Variants in AGBL1 observed in about 807,000 individuals in gnomAD.
AGBL1 encodes cytosolic carboxypeptidase 4.
Under a neutral mutation model 118.9 loss-of-function variants are expected in AGBL1, and 130 were observed. That is an observed-to-expected ratio of 1.09 (90% CI 0.95 to 1.26). AGBL1 has a LOEUF of 1.26. Among genes scored for constraint, AGBL1 ranks in the 50% most tolerant of loss-of-function variants. The pLI is 0.00. For missense variants in AGBL1, 1,584 were observed against 1,298.1 expected, an observed-to-expected ratio of 1.22 and a Z score of -3.38; for synonymous variants, 555 against 478.9, an observed-to-expected ratio of 1.16 and a Z score of -2.08.
At chr15:86,831,872 G>C (rs900747133) in intron 22 of AGBL1, among the ~76,000 whole-genome samples, 9 of 152,180 alleles carry the variant, frequency 5.9e-5, no homozygotes, top group African/African-American at 2.2e-4. Context: ...CCTAGCAGAG[G>C]TTCTCCATGA....
chr15:86,211,172 T>C (rs969553469), intron 5 of AGBL1, among the ~76,000 whole-genome samples: 1 of 152,196 alleles, frequency 6.6e-6, no homozygotes, highest in Non-Finnish European at 1.5e-5. Flanking sequence ...AATATTGCAT[T>C]ACAGCAAATA....
At chr15:86,967,598 C>G (rs2141697212) in intron 23 of AGBL1, among the ~76,000 whole-genome samples, 1 of 152,184 alleles carries the variant, frequency 6.6e-6, no homozygotes, top group Non-Finnish European at 1.5e-5. Flanking sequence ...TTCCCCATTT[C>G]TTCTTTTTGT....
chr15:86,476,985 G>A (rs1346005461), intron 18 of AGBL1, among the ~76,000 whole-genome samples: 1 of 152,064 alleles, frequency 6.6e-6, no homozygotes, highest in Non-Finnish European at 1.5e-5. Flanking sequence ...ATGACTACTG[G>A]TTACATAATG....
At chr15:86,854,339 T>C (rs1184685839) in intron 22 of AGBL1, among the ~76,000 whole-genome samples, 3 of 152,172 alleles carry the variant, frequency 2.0e-5, no homozygotes, top group African/African-American at 7.2e-5. Flanking sequence ...TATGCTCCTG[T>C]AATGACTAGC....
At chr15:86,898,307 A>G (rs2080160917) in intron 22 of AGBL1, among the ~76,000 whole-genome samples, 1 of 152,016 alleles carries the variant, frequency 6.6e-6, no homozygotes, top group South Asian at 2.1e-4. Context: ...ATTATTGCCT[A>G]GGTTGTCTTC....
intron 23 of AGBL1, among the ~76,000 whole-genome samples, chr15:86,953,893 C>G (rs965022336): frequency 4.6e-5 from 7 of 152,128 alleles, no homozygotes; most frequent in Non-Finnish European, 7.4e-5. Context: ...TTCTGCTCTT[C>G]CTATTTGGAT....
intron 18 of AGBL1, among the ~76,000 whole-genome samples, chr15:86,407,772 G>T (rs1265962957): frequency 6.6e-6 from 1 of 152,104 alleles, no homozygotes; most frequent in African/African-American, 2.4e-5. Flanking sequence ...ACAGGCTAAG[G>T]TTTAATAAGC....
At chr15:87,023,618 C>T (rs888148949) in intron 24 of AGBL1, among the ~76,000 whole-genome samples, 1 of 151,988 alleles carries the variant, frequency 6.6e-6, no homozygotes, top group African/African-American at 2.4e-5. Context: ...TTAATCTATA[C>T]CCTAGAACGA....
At chr15:86,104,685 C>A (rs1268676639) in intron 1 of AGBL1, among the ~76,000 whole-genome samples, 1 of 152,196 alleles carries the variant, frequency 6.6e-6, no homozygotes. Context: ...GCCCGTGGGG[C>A]TCCCAGAATG....
intron 20 of AGBL1, among the ~76,000 whole-genome samples, chr15:86,546,725 T>C (rs1056654849): frequency 5.3e-5 from 8 of 152,170 alleles, no homozygotes; most frequent in African/African-American, 1.9e-4. Context: ...AGAGCTCAAC[T>C]GTTCCTCCAT....
intron 24 of AGBL1, among the ~76,000 whole-genome samples, chr15:86,992,202 C>T (rs2081342107): frequency 6.6e-6 from 1 of 151,976 alleles, no homozygotes; most frequent in Admixed American, 6.6e-5. Context: ...AACCAGATCT[C>T]ATGTGCTCTC....
chr15:86,813,146 C>T (rs547999387), intron 22 of AGBL1, among the ~76,000 whole-genome samples: 16 of 151,972 alleles, frequency 1.1e-4, no homozygotes, highest in African/African-American at 3.4e-4. Flanking sequence ...GAAACAGCCT[C>T]GAACACATGG....
intron 22 of AGBL1, among the ~76,000 whole-genome samples, chr15:86,758,966 C>CAAAAAAAAAA (rs80297816): frequency 2.5e-4 from 20 of 80,876 alleles, no homozygotes; most frequent in African/African-American, 7.6e-4. Context: ...GACACCCTGT[C>CAAAAAAAAAA]AAAAAAAAAA....
intron 21 of AGBL1, among the ~76,000 whole-genome samples, chr15:86,561,611 G>A (rs1256646318): frequency 6.6e-6 from 1 of 152,082 alleles, no homozygotes; most frequent in Non-Finnish European, 1.5e-5. Flanking sequence ...TCGTTCTTTT[G>A]GCTTAGGATT....
intron 22 of AGBL1, among the ~76,000 whole-genome samples, chr15:86,675,110 C>T (rs1271022754): frequency 6.6e-6 from 1 of 152,036 alleles, no homozygotes; most frequent in Non-Finnish European, 1.5e-5. Flanking sequence ...AAATAATGGG[C>T]ATGTGAGAGG....
At chr15:86,439,782 C>T (rs566476580) in intron 18 of AGBL1, among the ~76,000 whole-genome samples, 2 of 152,350 alleles carry the variant, frequency 1.3e-5, no homozygotes, top group South Asian at 4.1e-4. Flanking sequence ...AATTCCTCCT[C>T]TCTCCAACAG....
chr15:86,450,386 G>T (rs941772344), intron 18 of AGBL1, among the ~76,000 whole-genome samples: 6 of 152,102 alleles, frequency 3.9e-5, no homozygotes, highest in Non-Finnish European at 8.8e-5. Context: ...TCCCTGGCTG[G>T]GTCGGATGTA....
rs976741912 is a variant in AGBL1, at chr15:86,830,934, G to T, written c.3159-76153G>T. Among the ~76,000 whole-genome samples, 8 of 152,044 alleles carry T rather than the reference G, an allele frequency of 5.3e-5. No individual in the cohort carries two copies. In the East Asian group the frequency reaches 1.5e-3, roughly 29 times the overall value. On this transcript the variant is annotated intron_variant, in intron 22 of 22. Transcript: ENST00000614907. ...GCTGATAAAGACATACCCAAGACTGGGTAATATATAAAGGAAAGAGGTTTA... is the reference window on the plus strand; with the variant it reads ...GCTGATAAAGACATACCCAAGACTGTGTAATATATAAAGGAAAGAGGTTTA...
At chr15:86,860,694 T>A (rs1434281067) in intron 22 of AGBL1, among the ~76,000 whole-genome samples, 1 of 149,556 alleles carries the variant, frequency 6.7e-6, no homozygotes, top group African/African-American at 2.5e-5. Flanking sequence ...TCAGTGATCC[T>A]TCCTTTCCTC....
Sources: gnomAD v4.1 joint callset for allele counts (sites outside exome capture counted in the v4.1 genomes callset) on GRCh38, gnomAD v4.1.1 for gene constraint, MANE v1.5 for transcripts, NCBI Gene and HGNC (gene_info 2026-07-23, HGNC 2026-07-21) for gene names.